SPTLC2: variants seen among roughly 807,000 people sequenced by gnomAD.
The protein encoded by SPTLC2 is serine palmitoyltransferase long chain base subunit 2, also known as serine palmitoyltransferase 2.
A neutral mutation model predicts 62.0 loss-of-function variants in SPTLC2; 21 were observed. The ratio of observed to expected loss-of-function variants is 0.34; its 90% CI spans 0.24 to 0.49. The LOEUF (loss-of-function observed/expected upper bound fraction) is 0.49. Among genes scored for constraint, SPTLC2 ranks in the 20% least tolerant of loss-of-function variants. The pLI, the probability that SPTLC2 is intolerant of heterozygous loss-of-function variation, is 0.99. For missense variants in SPTLC2, 511 were observed against 713.0 expected, an observed-to-expected ratio of 0.72 and a Z score of 3.23; for synonymous variants, 261 against 261.8, an observed-to-expected ratio of 1.00 and a Z score of 0.03.
At chr14:77,570,346 T>C (rs770940083) in intron 5 of SPTLC2, 38 bp downstream of exon 5, 7 of 1,607,988 alleles carry the variant, frequency 4.4e-6, no homozygotes, top group East Asian at 2.2e-5. Flanking sequence ...AAAGAAGATA[T>C]ACATGAGGGA....
chr14:77,555,621 T>A, intron 7 of SPTLC2, 102 bp from the exon 8 acceptor site: 2 of 963,808 alleles, frequency 2.1e-6, no homozygotes, highest in Non-Finnish European at 3.0e-6. Context: ...TTACTGCTTC[T>A]TTTTTTTTTC....
chr14:77,568,852 C>T (rs1260114011), intron 5 of SPTLC2, among the ~76,000 whole-genome samples: 1 of 149,884 alleles, frequency 6.7e-6, no homozygotes, highest in Admixed American at 6.7e-5. Context: ...TCTCTAATTA[C>T]AATTTTCTAT....
intron 1 of SPTLC2, among the ~76,000 whole-genome samples, chr14:77,613,272 A>G (rs1324523298): frequency 2.0e-5 from 3 of 152,242 alleles, no homozygotes; most frequent in Non-Finnish European, 2.9e-5. Flanking sequence ...ATAAACTCCT[A>G]CAAAGAGATA....
Position 77,508,070 on chromosome 14 carries a change from C to T in SPTLC2, c.*4214G>A, listed in dbSNP as rs1397567563. 2 of 152,148 alleles carry T rather than the reference C, an allele frequency of 1.3e-5. No individual in the cohort carries two copies. Among genetic ancestry groups the T allele is most frequent in the African/African-American group, 4.8e-5 (2 of 41,392 alleles). The allele number at this position is 152,148 out of a possible 1,614,324, so 9.4% of individuals were successfully genotyped here. ...TTGAGCCAGGGTCTCACTCTGTCAC[C>T]CAGGCTGGAGTGCAGGGGTGCAATC... is the stretch of plus-strand genomic sequence containing the variant. On this transcript the variant is annotated 3_prime_UTR_variant, in exon 12 of 12. Transcript: ENST00000216484.
chr14:77,608,919 A>AAATAATAATAATAATAATAAT (rs56945046), intron 1 of SPTLC2, among the ~76,000 whole-genome samples: 3 of 134,614 alleles, frequency 2.2e-5, no homozygotes, highest in East Asian at 2.2e-4. Context: ...CTCCATCTCA[A>AAATAATAATAATAATAATAAT]AATAATAATA....
Position 77,602,818 on chromosome 14 carries a change from C to T in SPTLC2, c.133-5438G>A, listed in dbSNP as rs904959898. ...CAAACTCCTGGGCTCAAGCTATCCT[C>T]CTGCCTTGGTCTCTCAAACTGCTGG... On this transcript the variant is annotated intron_variant, in intron 1 of 11. Transcript: ENST00000216484. 5.3e-5 allele frequency among the ~76,000 whole-genome samples: 8 copies of T among 152,174 alleles called. No homozygotes were observed. In the East Asian group the frequency reaches 1.5e-3, roughly 29 times the overall value.
At position 77,581,382 on chromosome 14, in the gene SPTLC2, T is replaced by C. The variant is rs922919095; in HGVS notation, c.328-2273A>G. Among the ~76,000 whole-genome samples, 3 of 150,580 alleles carry C rather than the reference T, an allele frequency of 2.0e-5. No individual in the cohort carries two copies. The Admixed American group carries it at 2.0e-4, about 10-fold the overall frequency. On this transcript the variant is annotated intron_variant, in intron 2 of 11. Coordinates refer to ENST00000216484, the MANE Select transcript of SPTLC2 (RefSeq NM_004863.4). ...CAAAGTCAGAAGCTACTCTAAGAAT[T>C]TGCAGTACCTGATACCATCTCTCTT...
Position 77,553,084 on chromosome 14 carries a change from A to G in SPTLC2, c.1177-862T>C, listed in dbSNP as rs189541073. Among the ~76,000 whole-genome samples the G allele has an allele frequency of 1.8e-4, 28 of 152,312 alleles. No individual in the cohort carries two copies. In the East Asian group the frequency reaches 5.4e-3, roughly 29 times the overall value. On this transcript the variant is annotated intron_variant, in intron 8 of 11. Transcript: ENST00000216484. Reference sequence around the variant, plus strand: ...AAGGTATTTTATTAAAATGCCAATGACATCTCACTGAATAAAGTAAAACTC... The same window carrying G: ...AAGGTATTTTATTAAAATGCCAATGGCATCTCACTGAATAAAGTAAAACTC...
intron 1 of SPTLC2, among the ~76,000 whole-genome samples, chr14:77,600,928 G>C (rs1218463081): frequency 6.6e-6 from 1 of 152,130 alleles, no homozygotes; most frequent in East Asian, 1.9e-4. Flanking sequence ...TTATTAAGCA[G>C]CTGAAAAGGC....
intron 1 of SPTLC2, 78 bp downstream of exon 1, chr14:77,616,370 C>A (rs2079967338): frequency 2.1e-6 from 2 of 936,314 alleles, no homozygotes; most frequent in Non-Finnish European, 2.8e-6. Flanking sequence ...GCGGATGGCC[C>A]GGAGACCTCG....
chr14:77,567,884 G>T (rs568517354), intron 5 of SPTLC2, among the ~76,000 whole-genome samples: 15 of 149,162 alleles, frequency 1.0e-4, no homozygotes, highest in Admixed American at 9.3e-4. Context: ...TCTAATACAG[G>T]TTGAATATTC....
At chr14:77,559,170 A>G (rs2079601376) in intron 6 of SPTLC2, among the ~76,000 whole-genome samples, 2 of 152,108 alleles carry the variant, frequency 1.3e-5, no homozygotes, top group Non-Finnish European at 2.9e-5. Context: ...AAATACAAAA[A>G]AAATTAGCCG....
chr14:77,565,235 T>C (rs1594993083), intron 5 of SPTLC2, among the ~76,000 whole-genome samples: 3 of 47,820 alleles, frequency 6.3e-5, no homozygotes, highest in African/African-American at 9.0e-5. Context: ...AGAGCAAAAC[T>C]CCATCTCAAA....
chr14:77,519,619 G>A (rs149122479), intron 10 of SPTLC2, among the ~76,000 whole-genome samples: 244 of 152,242 alleles, frequency 1.6e-3, no homozygotes, highest in African/African-American at 5.6e-3. Flanking sequence ...TGGGGAGGCG[G>A]AAGCACAAGA....
intron 11 of SPTLC2, among the ~76,000 whole-genome samples, chr14:77,514,900 T>C (rs7147867): frequency 0.85 from 129,411 of 152,178 alleles, 56,279 homozygotes; most frequent in East Asian, 1. Flanking sequence ...TTGTAAGTTA[T>C]GTAGTCTTTG....
chr14:77,532,183 G>A (rs966830772), intron 9 of SPTLC2, among the ~76,000 whole-genome samples: 61 of 152,036 alleles, frequency 4.0e-4, no homozygotes, highest in African/African-American at 1.3e-3. Flanking sequence ...TGCATATTCC[G>A]GGAATTTGTA....
chr14:77,535,397 T>G (rs2079464349), intron 9 of SPTLC2, among the ~76,000 whole-genome samples: 1 of 152,112 alleles, frequency 6.6e-6, no homozygotes, highest in South Asian at 2.1e-4. Context: ...TGAGAAGGCC[T>G]TTGGGGAGGG....
intron 9 of SPTLC2, among the ~76,000 whole-genome samples, chr14:77,528,743 A>T (rs575622495): frequency 3.9e-5 from 6 of 152,340 alleles, no homozygotes; most frequent in Non-Finnish European, 7.3e-5. Context: ...TGGTTATTTC[A>T]TATCTCTTTC....
intron 3 of SPTLC2, among the ~76,000 whole-genome samples, chr14:77,577,656 T>C (rs772088689): frequency 8.5e-5 from 13 of 152,128 alleles, no homozygotes; most frequent in African/African-American, 3.1e-4. Context: ...TCCCAGCACT[T>C]TGGGAGGCCG....
Sources: allele counts gnomAD v4.1 joint callset (sites outside exome capture counted in the v4.1 genomes callset), GRCh38; gene constraint gnomAD v4.1.1; transcripts MANE v1.5; gene names NCBI Gene and HGNC (gene_info 2026-07-23, HGNC 2026-07-21).